Variants in UBTD1 observed in about 807,000 individuals in gnomAD.
UBTD1 encodes the protein ubiquitin domain containing 1, also known as ubiquitin domain-containing protein 1.
UBTD1 carries 19 observed loss-of-function variants against 21.7 expected under a neutral mutation model. The ratio of observed to expected loss-of-function variants is 0.87; its 90% CI spans 0.61 to 1.28. UBTD1 has a LOEUF of 1.28. Among genes scored for constraint, UBTD1 ranks in the 50% most tolerant of loss-of-function variants. The pLI is 0.00. For synonymous variants in UBTD1, 116 were observed against 135.1 expected (o/e 0.86, Z 0.98); for missense variants, 282 against 315.1 (o/e 0.89, Z 0.80).
At chr10:97,546,463 A>G (rs1377636106) in intron 1 of UBTD1, among the ~76,000 whole-genome samples, 8 of 151,970 alleles carry the variant, frequency 5.3e-5, no homozygotes, top group Admixed American at 2.0e-4. Flanking sequence ...CGTGGTGCAC[A>G]CCTGTAGTCC....
At chr10:97,502,857 G>GTA (rs1339766297) in intron 1 of UBTD1, among the ~76,000 whole-genome samples, 1 of 147,794 alleles carries the variant, frequency 6.8e-6, no homozygotes, top group Non-Finnish European at 1.5e-5. Context: ...ACATATATAC[G>GTA]TATATATACG....
At chr10:97,512,247 G>C (rs186856805) in intron 1 of UBTD1, among the ~76,000 whole-genome samples, 20 of 152,318 alleles carry the variant, frequency 1.3e-4, no homozygotes, top group Non-Finnish European at 2.6e-4. Context: ...GACACACAGA[G>C]AGCCAAGGGT....
chr10:97,517,492 T>C (rs2040449554), intron 1 of UBTD1, among the ~76,000 whole-genome samples: 1 of 152,180 alleles, frequency 6.6e-6, no homozygotes, highest in Admixed American at 6.5e-5. Flanking sequence ...GGACAGTCTC[T>C]GCCCAGTCCC....
In UBTD1 at chr10:97,520,249, G is replaced by A. The variant is rs201497634; in HGVS notation, c.70+20976G>A. 3.9e-5 allele frequency among the ~76,000 whole-genome samples: 6 copies of A among 152,316 alleles called. No individual in the cohort carries two copies. In the East Asian group the frequency reaches 9.6e-4, roughly 24 times the overall value. Reference sequence around the variant, plus strand: ...TACCCATCCTACCTGCTTTGTCTCAGTTGGATCAAACCCTCATGGGGCTCT... The same window carrying A: ...TACCCATCCTACCTGCTTTGTCTCAATTGGATCAAACCCTCATGGGGCTCT... On this transcript the variant is annotated intron_variant, in intron 1 of 2. Coordinates refer to ENST00000370664, the MANE Select transcript of UBTD1 (RefSeq NM_024954.5).
chr10:97,512,065 TGGG>T (rs2040425115), intron 1 of UBTD1, among the ~76,000 whole-genome samples: 1 of 152,186 alleles, frequency 6.6e-6, no homozygotes, highest in Admixed American at 6.5e-5. Context: ...GCTACTGTGT[TGGG>T]GAGGGGAACA....
At chr10:97,520,405 C>T (rs890241930) in intron 1 of UBTD1, among the ~76,000 whole-genome samples, 1 of 152,156 alleles carries the variant, frequency 6.6e-6, no homozygotes, top group Non-Finnish European at 1.5e-5. Flanking sequence ...TGCCCAGTGC[C>T]GTGCTTGATC....
chr10:97,499,164 C>G lies in UBTD1; in HGVS notation c.-40C>G. ...GCCGTCCGCTGAGCAGCCGACCACC[C>G]CGCCGCCTCCGGTGCATGGGGACTG... On this transcript the variant is annotated 5_prime_UTR_variant, in exon 1 of 3. Coordinates refer to ENST00000370664, the MANE Select transcript of UBTD1 (RefSeq NM_024954.5). 2.7e-6 allele frequency: 4 copies of G among 1,508,870 alleles called. No individual in the cohort carries two copies. The highest frequency in any genetic ancestry group is 3.6e-6 in the Non-Finnish European group (4 of 1,125,018). 93.5% of individuals were successfully genotyped at this position (1,508,870 alleles called of 1,614,324 possible). A position where few individuals can be genotyped will look rare whatever the true frequency, so the allele number is the denominator to read the frequency against.
At chr10:97,519,059 C>A (rs2040456223) in intron 1 of UBTD1, among the ~76,000 whole-genome samples, 1 of 152,228 alleles carries the variant, frequency 6.6e-6, no homozygotes, top group African/African-American at 2.4e-5. Context: ...GGGCACTCTC[C>A]TAATCACTAG....
At chr10:97,537,544 C>T (rs1211094561) in intron 1 of UBTD1, among the ~76,000 whole-genome samples, 2 of 152,154 alleles carry the variant, frequency 1.3e-5, no homozygotes, top group Non-Finnish European at 1.5e-5. Context: ...TTGTATGCTG[C>T]CTCTCCCTCC....
chr10:97,552,274 G>A lies in UBTD1; in HGVS notation c.71-15640G>A, dbSNP rs533107848. Among the ~76,000 whole-genome samples the A allele has an allele frequency of 7.2e-5, 11 of 151,964 alleles. No individual in the cohort carries two copies. The East Asian group carries it at 9.6e-4, about 13-fold the overall frequency. On this transcript the variant is annotated intron_variant, in intron 1 of 2. Transcript: ENST00000370664. ...CTATAATCACAGCTCCTCAGGAGGCGGAGGTGGGAGCATCGCTTGAGCCCA... is the reference window on the plus strand; with the variant it reads ...CTATAATCACAGCTCCTCAGGAGGCAGAGGTGGGAGCATCGCTTGAGCCCA...
At chr10:97,509,411 A>G (rs1002736068) in intron 1 of UBTD1, among the ~76,000 whole-genome samples, 2 of 152,234 alleles carry the variant, frequency 1.3e-5, no homozygotes, top group Non-Finnish European at 2.9e-5. Flanking sequence ...TGTGATCAGC[A>G]CAGTGCCCAC....
At chr10:97,546,737 C>T (rs569358484) in intron 1 of UBTD1, among the ~76,000 whole-genome samples, 1 of 152,244 alleles carries the variant, frequency 6.6e-6, no homozygotes, top group East Asian at 1.9e-4. Flanking sequence ...CCGCCTTGCT[C>T]CTGCCGCGTG....
At chr10:97,559,603 T>C (rs1388670265) in intron 1 of UBTD1, among the ~76,000 whole-genome samples, 4 of 152,332 alleles carry the variant, frequency 2.6e-5, no homozygotes, top group African/African-American at 9.6e-5. Context: ...TAGTGTGTTA[T>C]TAATATTAAA....
intron 1 of UBTD1, among the ~76,000 whole-genome samples, chr10:97,553,460 TG>T (rs1347752278): frequency 1.3e-5 from 2 of 152,232 alleles, no homozygotes; most frequent in African/African-American, 4.8e-5. Flanking sequence ...GAAATTAATA[TG>T]TTCATCATCG....
At chr10:97,552,837 C>G (rs892522873) in intron 1 of UBTD1, among the ~76,000 whole-genome samples, 5 of 152,182 alleles carry the variant, frequency 3.3e-5, no homozygotes, top group Non-Finnish European at 7.3e-5. Context: ...GCTGATGCCT[C>G]GAGTGGATGC....
At position 97,499,145 on chromosome 10, in the gene UBTD1, C is replaced by A. The variant is rs866431011; in HGVS notation, c.-59C>A. 2.0e-6 allele frequency: 3 copies of A among 1,483,336 alleles called. No individual in the cohort carries two copies. Among genetic ancestry groups the A allele is most frequent in the African/African-American group, 2.9e-5 (2 of 68,758 alleles). The allele number at this position is 1,483,336 out of a possible 1,614,324, so 91.9% of individuals were successfully genotyped here. ...GCCATTGACCCGGGACGCCGCCGTCCGCTGAGCAGCCGACCACCCCGCCGC... is the reference window on the plus strand; with the variant it reads ...GCCATTGACCCGGGACGCCGCCGTCAGCTGAGCAGCCGACCACCCCGCCGC... On this transcript the variant is annotated 5_prime_UTR_variant, in exon 1 of 3. Transcript: ENST00000370664.
chr10:97,499,174 C>T lies in UBTD1; in HGVS notation c.-30C>T, dbSNP rs997877803. The T allele has an allele frequency of 6.6e-7, 1 of 1,513,272 alleles. No homozygotes were observed. The highest frequency in any genetic ancestry group is 1.2e-5 in the South Asian group (1 of 80,800). The allele number at this position is 1,513,272 out of a possible 1,614,324, so 93.7% of individuals were successfully genotyped here. ...GAGCAGCCGACCACCCCGCCGCCTC[C>T]GGTGCATGGGGACTGGCTGAGGAGC... On this transcript the variant is annotated 5_prime_UTR_variant, in exon 1 of 3. Coordinates refer to ENST00000370664, the MANE Select transcript of UBTD1 (RefSeq NM_024954.5).
chr10:97,504,935 T>TA (rs997321432), intron 1 of UBTD1, among the ~76,000 whole-genome samples: 37 of 152,158 alleles, frequency 2.4e-4, no homozygotes, highest in African/African-American at 8.4e-4. Flanking sequence ...TGCTGGGAGA[T>TA]ACCAGGGCTG....
chr10:97,517,535 G>A (rs1468822126), intron 1 of UBTD1, among the ~76,000 whole-genome samples: 1 of 152,190 alleles, frequency 6.6e-6, no homozygotes, highest in Non-Finnish European at 1.5e-5. Flanking sequence ...CTGAGGTTGT[G>A]CATGTCACAG....
Sources: gnomAD v4.1 joint callset for allele counts (sites outside exome capture counted in the v4.1 genomes callset) on GRCh38, gnomAD v4.1.1 for gene constraint, MANE v1.5 for transcripts, NCBI Gene and HGNC (gene_info 2026-07-23, HGNC 2026-07-21) for gene names.